Variants in FAM110B observed in about 807,000 individuals in gnomAD.
FAM110B encodes family with sequence similarity 110 member B, also known as protein FAM110B.
FAM110B carries 6 observed loss-of-function variants against 20.4 expected under a neutral mutation model. The observed-to-expected ratio is 0.29, with a 90% CI of 0.16 to 0.58. The LOEUF (loss-of-function observed/expected upper bound fraction) is 0.58, where lower values mean the gene tolerates loss of function less well. FAM110B is among the 20% of genes least tolerant of loss of function. The pLI, the probability that FAM110B is intolerant of heterozygous loss-of-function variation, is 0.90. For synonymous variants in FAM110B, 226 were observed against 214.1 expected, an observed-to-expected ratio of 1.06 and a Z score of -0.49; for missense variants, 434 against 498.2, an observed-to-expected ratio of 0.87 and a Z score of 1.23.
chr8:58,105,535 A>C (rs1054326773), intron 3 of FAM110B, among the ~76,000 whole-genome samples: 1 of 148,728 alleles, frequency 6.7e-6, no homozygotes, highest in African/African-American at 2.5e-5. Context: ...CTTGTCTGAA[A>C]ATGAATGAAT....
intron 2 of FAM110B, among the ~76,000 whole-genome samples, chr8:58,062,633 G>T (rs896198521): frequency 1.3e-5 from 2 of 152,176 alleles, no homozygotes; most frequent in Non-Finnish European, 2.9e-5. Flanking sequence ...ACTGAAATAT[G>T]ATTGCTTTGC....
At chr8:58,104,996 C>T (rs1189351917) in intron 3 of FAM110B, among the ~76,000 whole-genome samples, 3 of 149,770 alleles carry the variant, frequency 2.0e-5, no homozygotes, top group African/African-American at 7.4e-5. Context: ...TTTCCATTGC[C>T]TTCTTTTTTT....
chr8:58,062,354 TTACA>T (rs1388906469), intron 2 of FAM110B, among the ~76,000 whole-genome samples: 1 of 152,204 alleles, frequency 6.6e-6, no homozygotes, highest in Non-Finnish European at 1.5e-5. Flanking sequence ...TTACAGGTAA[TTACA>T]TACTTTATAG....
chr8:58,141,747 A>T (rs1483360319), intron 3 of FAM110B, among the ~76,000 whole-genome samples: 1 of 152,134 alleles, frequency 6.6e-6, no homozygotes. Context: ...AAATCGGGAG[A>T]GTTTGTGCAG....
chr8:58,087,097 T>C (rs1429502301), intron 3 of FAM110B, among the ~76,000 whole-genome samples: 1 of 152,246 alleles, frequency 6.6e-6, no homozygotes, highest in Non-Finnish European at 1.5e-5. Flanking sequence ...TTCACAGACT[T>C]CGGAGGTAAA....
At chr8:58,117,239 T>C (rs944754408) in intron 3 of FAM110B, among the ~76,000 whole-genome samples, 1 of 152,234 alleles carries the variant, frequency 6.6e-6, no homozygotes, top group African/African-American at 2.4e-5. Flanking sequence ...ACAGTTGATG[T>C]GATTCGATGT....
At chr8:58,091,985 TACAA>T (rs1228820978) in intron 3 of FAM110B, among the ~76,000 whole-genome samples, 1 of 152,204 alleles carries the variant, frequency 6.6e-6, no homozygotes, top group Non-Finnish European at 1.5e-5. Flanking sequence ...GCACTCAAGT[TACAA>T]ACAGACTCTT....
intron 1 of FAM110B, among the ~76,000 whole-genome samples, chr8:58,004,333 T>TGTAGCCATCTTCATCAATGATCTTA (rs1804359215): frequency 6.6e-6 from 1 of 152,262 alleles, no homozygotes; most frequent in Admixed American, 6.5e-5. Context: ...GTTGTCTAGT[T>TGTAGCCATCTTCATCAATGATCTTA]GTAGCCATCT....
At chr8:58,118,445 G>A (rs192559028) in intron 3 of FAM110B, among the ~76,000 whole-genome samples, 51 of 152,304 alleles carry the variant, frequency 3.3e-4, no homozygotes, top group Non-Finnish European at 5.9e-5. Context: ...GGGTAGGGGA[G>A]ACCAAATTTC....
intron 1 of FAM110B, among the ~76,000 whole-genome samples, chr8:58,003,593 A>T (rs1804344023): frequency 6.6e-6 from 1 of 152,258 alleles, no homozygotes; most frequent in South Asian, 2.1e-4. Context: ...ATGTTGTGTT[A>T]GCAGGCATGA....
chr8:58,134,530 T>C (rs1234890616), intron 3 of FAM110B, among the ~76,000 whole-genome samples: 1 of 152,254 alleles, frequency 6.6e-6, no homozygotes, highest in East Asian at 1.9e-4. Flanking sequence ...AAGGGTGTGC[T>C]AGGTATTCTA....
intron 3 of FAM110B, among the ~76,000 whole-genome samples, chr8:58,093,761 G>C (rs1806547000): frequency 6.6e-6 from 1 of 152,190 alleles, no homozygotes; most frequent in South Asian, 2.1e-4. Flanking sequence ...GAAATTTACA[G>C]TAGTTTTTTC....
At chr8:58,124,257 T>G (rs565264309) in intron 3 of FAM110B, among the ~76,000 whole-genome samples, 1 of 152,212 alleles carries the variant, frequency 6.6e-6, no homozygotes, top group Non-Finnish European at 1.5e-5. Flanking sequence ...AGTAAGATGA[T>G]TTGTACTAGA....
chr8:58,048,082 C>T (rs1805366316), intron 2 of FAM110B, among the ~76,000 whole-genome samples: 1 of 152,098 alleles, frequency 6.6e-6, no homozygotes, highest in Non-Finnish European at 1.5e-5. Context: ...GCTTGAAGCT[C>T]TAGGGTGCTT....
At chr8:58,067,102 C>T (rs751512050) in intron 2 of FAM110B, among the ~76,000 whole-genome samples, 18 of 152,120 alleles carry the variant, frequency 1.2e-4, no homozygotes, top group South Asian at 4.1e-4. Context: ...ATTTTTTATG[C>T]GTGAACCCTA....
intron 1 of FAM110B, among the ~76,000 whole-genome samples, chr8:57,997,707 A>C (rs1420316882): frequency 1.3e-5 from 2 of 152,220 alleles, no homozygotes; most frequent in Non-Finnish European, 2.9e-5. Flanking sequence ...CTCATCCAAG[A>C]AAAATACATT....
chr8:58,136,397 T>G (rs555338302), intron 3 of FAM110B, among the ~76,000 whole-genome samples: 62 of 152,198 alleles, frequency 4.1e-4, no homozygotes, highest in Non-Finnish European at 6.8e-4. Context: ...CATTTAATAT[T>G]TGGTCATGGC....
intron 2 of FAM110B, among the ~76,000 whole-genome samples, chr8:58,075,275 T>TGTGTG (rs1554521069): frequency 7.1e-6 from 1 of 141,670 alleles, no homozygotes; most frequent in South Asian, 2.2e-4. Flanking sequence ...TTTTTTTTTT[T>TGTGTG]TGTGTGTGTG....
chr8:58,055,836 C>T (rs182657988), intron 2 of FAM110B, among the ~76,000 whole-genome samples: 1 of 152,330 alleles, frequency 6.6e-6, no homozygotes, highest in East Asian at 1.9e-4. Context: ...CCTCAAATCT[C>T]ATGTTTCATG....
Sources: gnomAD v4.1 joint callset for allele counts (sites outside exome capture counted in the v4.1 genomes callset) on GRCh38, gnomAD v4.1.1 for gene constraint, MANE v1.5 for transcripts, NCBI Gene and HGNC (gene_info 2026-07-23, HGNC 2026-07-21) for gene names.